The following GDAP1 variants were observed in gnomAD, a reference collection of about 807,000 sequenced individuals.
The protein encoded by GDAP1 is ganglioside induced differentiation associated protein 1.
GDAP1 carries 34 observed loss-of-function variants against 40.1 expected under a neutral mutation model. That is an observed-to-expected ratio of 0.85 (90% confidence interval 0.64 to 1.13). The LOEUF (loss-of-function observed/expected upper bound fraction) is 1.13. Ranked by LOEUF, GDAP1 falls within the 50% of genes most tolerant of loss-of-function variation. GDAP1 has a pLI of 0.00. For missense variants in GDAP1, 374 were observed against 433.7 expected (o/e 0.86, Z 1.22); for synonymous variants, 170 against 157.4 (o/e 1.08, Z -0.60).
intron 2 of GDAP1, among the ~76,000 whole-genome samples, chr8:74,385,268 G>A (rs1438634459): frequency 1.3e-5 from 2 of 152,038 alleles, no homozygotes; most frequent in African/African-American, 4.8e-5. Flanking sequence ...ATGGTGGTTT[G>A]CTGCACCCAT....
chr8:74,398,926 T>G (rs922265692), intron 2 of GDAP1, among the ~76,000 whole-genome samples: 1 of 152,154 alleles, frequency 6.6e-6, no homozygotes, highest in South Asian at 2.1e-4. Flanking sequence ...ATAAGCTTTT[T>G]GATGTGCTGC....
intron 2 of GDAP1, among the ~76,000 whole-genome samples, chr8:74,456,986 T>C (rs1806343625): frequency 6.6e-6 from 1 of 152,094 alleles, no homozygotes; most frequent in Non-Finnish European, 1.5e-5. Context: ...ACTTTTTGTA[T>C]TGGAGAAGGG....
intron 2 of GDAP1, among the ~76,000 whole-genome samples, chr8:74,430,451 T>A (rs1806011098): frequency 6.6e-6 from 1 of 152,134 alleles, no homozygotes; most frequent in Non-Finnish European, 1.5e-5. Context: ...TTCTATGCAG[T>A]TGTTAAAGGA....
rs1186694869 is a variant in GDAP1 at position 74,431,945 on chromosome 8, C to T, written c.166-56733C>T. Among the ~76,000 whole-genome samples the T allele has an allele frequency of 4.6e-5, 7 of 152,224 alleles. No individual in the cohort carries two copies. In the East Asian group the frequency reaches 1.3e-3, roughly 29 times the overall value. Reference sequence around the variant, plus strand: ...AAAGTGGGGCTCATAGTATTATTACCTCATAGGATTCTTGAGGCAGTTAAA... The same window carrying T: ...AAAGTGGGGCTCATAGTATTATTACTTCATAGGATTCTTGAGGCAGTTAAA... On this transcript the variant is annotated intron_variant, in intron 2 of 2. Coordinates refer to the GDAP1 transcript ENST00000523640.
chr8:74,461,518 G>T (rs937213101), intron 2 of GDAP1, among the ~76,000 whole-genome samples: 1 of 152,154 alleles, frequency 6.6e-6, no homozygotes, highest in African/African-American at 2.4e-5. Flanking sequence ...CCCACATTTG[G>T]CTGTGTTCAT....
intron 2 of GDAP1, among the ~76,000 whole-genome samples, chr8:74,412,827 A>G (rs1184652520): frequency 6.7e-6 from 1 of 148,620 alleles, no homozygotes; most frequent in Admixed American, 6.6e-5. Flanking sequence ...GGGAGGCTGA[A>G]GCGGGTGGAT....
At chr8:74,387,861 C>A (rs771187617) in intron 2 of GDAP1, among the ~76,000 whole-genome samples, 11 of 152,084 alleles carry the variant, frequency 7.2e-5, no homozygotes, top group Admixed American at 5.2e-4. Flanking sequence ...GTTTCAGAAC[C>A]TGTTATTGGT....
intron 2 of GDAP1, among the ~76,000 whole-genome samples, chr8:74,475,213 TA>T (rs201920525): frequency 3.9e-5 from 6 of 152,170 alleles, no homozygotes; most frequent in South Asian, 2.1e-4. Flanking sequence ...ATCTTATTAT[TA>T]TTTTTTTTCA....
At chr8:74,351,223 A>T in intron 1 of GDAP1, 51 bp from the exon 2 acceptor site, 1 of 1,478,290 alleles carries the variant, frequency 6.8e-7, no homozygotes, top group East Asian at 2.3e-5. Flanking sequence ...CAGGGAAGTC[A>T]TTTAATTGAA....
intron 2 of GDAP1, among the ~76,000 whole-genome samples, chr8:74,479,672 T>TGATTA (rs1216407803): frequency 7.9e-5 from 12 of 152,354 alleles, no homozygotes; most frequent in African/African-American, 2.9e-4. Flanking sequence ...CAGCTAATCC[T>TGATTA]GCTAGGTTCT....
chr8:74,372,428 C>T (rs1809770464), intron 2 of GDAP1, among the ~76,000 whole-genome samples: 1 of 152,140 alleles, frequency 6.6e-6, no homozygotes, highest in Admixed American at 6.5e-5. Context: ...TCTCCAGCAC[C>T]TGTTGTTTCC....
At chr8:74,371,291 T>C (rs1285988481), downstream of GDAP1, among the ~76,000 whole-genome samples, 1 of 152,230 alleles carries the variant, frequency 6.6e-6, no homozygotes, top group Non-Finnish European at 1.5e-5. Flanking sequence ...AACTAAAATA[T>C]TTTAAACATT....
intron 2 of GDAP1, among the ~76,000 whole-genome samples, chr8:74,478,904 C>A (rs1263151495): frequency 5.3e-5 from 8 of 152,336 alleles, no homozygotes; most frequent in Non-Finnish European, 1.2e-4. Flanking sequence ...GGACCAGGAA[C>A]AAATTCCAGT....
In GDAP1 at chr8:74,351,311, A is replaced by T; in HGVS notation, c.155A>T (p.Glu52Val). 1 of 1,614,188 alleles carries T rather than the reference A, an allele frequency of 6.2e-7. No individual in the cohort carries two copies. The highest frequency in any genetic ancestry group is 8.5e-7 in the Non-Finnish European group (1 of 1,179,988). Residue 52 changes from glutamate (E) to valine (V), a missense_variant, in exon 2 of 6, where the codon GAG (glutamate) becomes GTG (valine). Coordinates refer to ENST00000220822, the MANE Select transcript of GDAP1 (RefSeq NM_018972.4). ...ATTGCTGAAAAGGCATTGAAGTGCG[A>T]GGAACATGATGTAAGTCTGCCCTTG... ...LVIAEKALKC[E>V]EHDVSLPLSE...
intron 2 of GDAP1, among the ~76,000 whole-genome samples, chr8:74,473,836 T>G (rs1586846289): frequency 6.6e-6 from 1 of 152,254 alleles, no homozygotes; most frequent in Non-Finnish European, 1.5e-5. Context: ...TTCCTGGTTC[T>G]GTGAAGAGTG....
At chr8:74,360,643 G>A (rs1809316843) in intron 3 of GDAP1, among the ~76,000 whole-genome samples, 1 of 152,150 alleles carries the variant, frequency 6.6e-6, no homozygotes, top group African/African-American at 2.4e-5. Context: ...TGAAAACCTG[G>A]GATCTGCCTA....
chr8:74,449,855 G>A (rs899580816), intron 2 of GDAP1, among the ~76,000 whole-genome samples: 1 of 151,708 alleles, frequency 6.6e-6, no homozygotes, highest in African/African-American at 2.4e-5. Context: ...TTTGCCAAGA[G>A]TTTAATTTTA....
At chr8:74,414,028 T>A (rs1586827268) in intron 2 of GDAP1, among the ~76,000 whole-genome samples, 1 of 150,240 alleles carries the variant, frequency 6.7e-6, no homozygotes, top group East Asian at 1.9e-4. Context: ...ACTACCAAAT[T>A]CCGACACTAG....
At position 74,364,489 on chromosome 8, in the gene GDAP1, T is replaced by G. The variant is rs182598397; in HGVS notation, c.*122T>G. On this transcript the variant is annotated 3_prime_UTR_variant, in exon 6 of 6. Coordinates refer to ENST00000220822, the MANE Select transcript of GDAP1 (RefSeq NM_018972.4). ...AGTATTTTTTCCTAAAATTCAGAAG[T>G]CATCTTTGTTACACAACACAGGGGT... 7 of 1,027,560 alleles carry G rather than the reference T, an allele frequency of 6.8e-6. No homozygotes were observed. Among genetic ancestry groups the G allele is most frequent in the Non-Finnish European group, 1.1e-5 (7 of 665,352 alleles). 63.7% of individuals were successfully genotyped at this position (1,027,560 alleles called of 1,614,324 possible).
Sources: allele counts gnomAD v4.1 joint callset (sites outside exome capture counted in the v4.1 genomes callset), GRCh38; gene constraint gnomAD v4.1.1; transcripts MANE v1.5; gene names NCBI Gene and HGNC (gene_info 2026-07-23, HGNC 2026-07-21).